Variants in BBS7 observed in about 807,000 individuals in gnomAD.
The protein encoded by BBS7 is BBSome complex member BBS7.
In BBS7, 50 loss-of-function variants were observed where a neutral mutation model predicts 90.3. The ratio of observed to expected loss-of-function variants is 0.55; its 90% CI spans 0.44 to 0.70. BBS7 has a LOEUF of 0.70. BBS7 is among the 30% of genes least tolerant of loss of function. The pLI, the probability that BBS7 is intolerant of heterozygous loss-of-function variation, is 0.00. For synonymous variants in BBS7, 235 were observed against 287.4 expected, an observed-to-expected ratio of 0.82 and a Z score of 1.85; for missense variants, 729 against 838.9, an observed-to-expected ratio of 0.87 and a Z score of 1.62.
chr4:121,867,897 ATAACT>A, intron 2 of BBS7, 79 bp downstream of exon 2: 1 of 1,186,226 alleles, frequency 8.4e-7, no homozygotes, highest in South Asian at 1.3e-5. Flanking sequence ...TTTTAAGAGA[ATAACT>A]TAATAATAAA....
intron 3 of BBS7, among the ~76,000 whole-genome samples, chr4:121,862,001 T>C (rs1727008739): frequency 6.6e-6 from 1 of 152,192 alleles, no homozygotes; most frequent in African/African-American, 2.4e-5. Context: ...AATGAGAATC[T>C]GTATTTTAAC....
At chr4:121,865,920 TG>T (rs1486865503) in intron 2 of BBS7, among the ~76,000 whole-genome samples, 3 of 152,222 alleles carry the variant, frequency 2.0e-5, no homozygotes, top group Non-Finnish European at 2.9e-5. Context: ...CCATTCTAAC[TG>T]GGGTAAGATG....
At chr4:121,865,822 C>A (rs1036124957) in intron 2 of BBS7, among the ~76,000 whole-genome samples, 3 of 152,156 alleles carry the variant, frequency 2.0e-5, no homozygotes, top group African/African-American at 7.2e-5. Flanking sequence ...ACTATCCCAC[C>A]AATGGCACAG....
intron 13 of BBS7, among the ~76,000 whole-genome samples, chr4:121,836,232 A>G (rs1725444285): frequency 6.6e-6 from 1 of 152,170 alleles, no homozygotes; most frequent in African/African-American, 2.4e-5. Flanking sequence ...CTAGTTTAAT[A>G]TATCATTTCA....
intron 4 of BBS7, among the ~76,000 whole-genome samples, chr4:121,861,095 G>C (rs1293893559): frequency 1.3e-5 from 2 of 152,116 alleles, no homozygotes; most frequent in African/African-American, 2.4e-5. Flanking sequence ...ATTTCACTTA[G>C]AGTCTTACCT....
At chr4:121,858,768 CA>C (rs937789702) in intron 5 of BBS7, 55 of 485,966 alleles carry the variant, frequency 1.1e-4, no homozygotes, top group Middle Eastern at 5.7e-4. Flanking sequence ...TATGGTGAGG[CA>C]AAAAAAATCC....
chr4:121,829,982 T>G (rs1396376923), intron 15 of BBS7, among the ~76,000 whole-genome samples: 1 of 152,280 alleles, frequency 6.6e-6, no homozygotes, highest in Non-Finnish European at 1.5e-5. Context: ...TGCTTGCATT[T>G]GGTTCCTTTT....
At chr4:121,847,564 A>G in intron 9 of BBS7, 58 bp from the exon 10 acceptor site, 3 of 1,232,026 alleles carry the variant, frequency 2.4e-6, no homozygotes, top group Non-Finnish European at 2.4e-6. Context: ...AAAAAGATAA[A>G]TTATGCATTG....
intron 6 of BBS7, 42 bp from the exon 7 acceptor site, chr4:121,854,862 T>C (rs371359272): frequency 4.9e-5 from 75 of 1,536,696 alleles, no homozygotes; most frequent in Non-Finnish European, 6.4e-5. Flanking sequence ...TATCCTACAA[T>C]TAGTAATCTC....
intron 11 of BBS7, 119 bp from the exon 12 acceptor site, chr4:121,844,120 G>GT: frequency 1.5e-6 from 1 of 656,958 alleles, no homozygotes; most frequent in South Asian, 1.8e-5. Context: ...AAATTTGAGA[G>GT]TATGAATTCT....
chr4:121,829,111 A>G (rs1329053150), intron 15 of BBS7, among the ~76,000 whole-genome samples: 1 of 152,198 alleles, frequency 6.6e-6, no homozygotes, highest in Non-Finnish European at 1.5e-5. Context: ...AATCACACAA[A>G]TTACAGTGTG....
At chr4:121,851,115 A>G (rs756397570) in intron 8 of BBS7, among the ~76,000 whole-genome samples, 15 of 152,202 alleles carry the variant, frequency 9.9e-5, no homozygotes, top group Non-Finnish European at 1.8e-4. Context: ...TTACTTATCC[A>G]ATAGAAACAC....
At chr4:121,863,145 C>A (rs1415049764) in intron 3 of BBS7, 72 bp downstream of exon 3, 15 of 1,439,058 alleles carry the variant, frequency 1.0e-5, no homozygotes, top group South Asian at 3.5e-5. Context: ...AAATTTTTAA[C>A]CTAGTATTAT....
intron 12 of BBS7, among the ~76,000 whole-genome samples, chr4:121,841,171 C>T (rs545399074): frequency 3.3e-5 from 5 of 151,922 alleles, no homozygotes; most frequent in Non-Finnish European, 5.9e-5. Flanking sequence ...TAAAAGCAAA[C>T]GTTATATACT....
At chr4:121,836,328 A>G (rs1371613430) in intron 13 of BBS7, among the ~76,000 whole-genome samples, 1 of 152,094 alleles carries the variant, frequency 6.6e-6, no homozygotes, top group African/African-American at 2.4e-5. Flanking sequence ...CTCTCCTATT[A>G]CCATCACCTC....
chr4:121,868,684 C>CAAAA (rs34910805), intron 1 of BBS7, among the ~76,000 whole-genome samples: 1,189 of 49,668 alleles, frequency 0.024, 383 homozygotes, highest in African/African-American at 0.057. Flanking sequence ...GACCCTGTTT[C>CAAAA]AAAAAAAAAA....
chr4:121,833,002 AGTTATT>A (rs1053216582), intron 15 of BBS7, among the ~76,000 whole-genome samples: 18 of 152,072 alleles, frequency 1.2e-4, no homozygotes, highest in Non-Finnish European at 1.6e-4. Flanking sequence ...TTTTCTCACT[AGTTATT>A]GTTATTGTTA....
At chr4:121,857,770 T>C (rs1467269501) in intron 5 of BBS7, among the ~76,000 whole-genome samples, 1 of 151,810 alleles carries the variant, frequency 6.6e-6, no homozygotes, top group Non-Finnish European at 1.5e-5. Context: ...TGGGGGAAAT[T>C]AATCATTCAT....
intron 8 of BBS7, among the ~76,000 whole-genome samples, chr4:121,849,687 G>A (rs963826306): frequency 6.6e-6 from 1 of 151,970 alleles, no homozygotes; most frequent in African/African-American, 2.4e-5. Context: ...AAAATTAGCC[G>A]GGCGTGGTGG....
Sources: allele counts gnomAD v4.1 joint callset (sites outside exome capture counted in the v4.1 genomes callset), GRCh38; gene constraint gnomAD v4.1.1; transcripts MANE v1.5; gene names NCBI Gene and HGNC (gene_info 2026-07-23, HGNC 2026-07-21).